Variants in RAB27B observed in about 807,000 individuals in gnomAD.
RAB27B encodes the protein ras-related protein Rab-27B.
A neutral mutation model predicts 24.6 loss-of-function variants in RAB27B; 15 were observed. The ratio of observed to expected loss-of-function variants is 0.61; its 90% CI spans 0.41 to 0.94. The LOEUF is 0.94. Ranked by LOEUF, RAB27B falls within the 40% of genes least tolerant of loss-of-function variation. RAB27B has a pLI of 0.00. For synonymous variants in RAB27B, 105 were observed against 92.5 expected (o/e 1.14, Z -0.78); for missense variants, 261 against 266.8 (o/e 0.98, Z 0.15).
intron 2 of RAB27B, among the ~76,000 whole-genome samples, chr18:54,737,531 A>G (rs1406987478): frequency 1.3e-5 from 2 of 152,156 alleles, no homozygotes; most frequent in Non-Finnish European, 2.9e-5. Context: ...ATCTCTTAGG[A>G]TATATTTATC....
At chr18:54,856,579 A>G (rs992199199) in intron 1 of RAB27B, among the ~76,000 whole-genome samples, 21 of 152,214 alleles carry the variant, frequency 1.4e-4, no homozygotes, top group African/African-American at 4.8e-4. Context: ...TGCAGTGACC[A>G]TGCAGTTTAT....
At chr18:54,782,869 T>C (rs1169135384) in intron 2 of RAB27B, among the ~76,000 whole-genome samples, 1 of 152,148 alleles carries the variant, frequency 6.6e-6, no homozygotes, top group Non-Finnish European at 1.5e-5. Flanking sequence ...ATCAGAACCC[T>C]GTACAAAAAC....
At chr18:54,721,421 T>C (rs1233824750) in intron 2 of RAB27B, among the ~76,000 whole-genome samples, 1 of 152,226 alleles carries the variant, frequency 6.6e-6, no homozygotes, top group Non-Finnish European at 1.5e-5. Flanking sequence ...ATTTCACAGA[T>C]GTTTAAATTG....
chr18:54,827,872 C>A (rs766830771), upstream of RAB27B, among the ~76,000 whole-genome samples: 4 of 152,154 alleles, frequency 2.6e-5, no homozygotes, highest in African/African-American at 9.7e-5. Flanking sequence ...GTTTAGAACA[C>A]GGCATAGCAC....
At chr18:54,737,613 T>C (rs1391760097) in intron 2 of RAB27B, among the ~76,000 whole-genome samples, 1 of 152,182 alleles carries the variant, frequency 6.6e-6, no homozygotes, top group Non-Finnish European at 1.5e-5. Flanking sequence ...AATCTTTGTA[T>C]TTCCAGCACT....
intron 2 of RAB27B, among the ~76,000 whole-genome samples, chr18:54,763,469 A>G (rs1908260292): frequency 6.6e-6 from 1 of 152,196 alleles, no homozygotes; most frequent in South Asian, 2.1e-4. Context: ...AAGCAAAGCT[A>G]TGATGGGTTG....
intron 2 of RAB27B, among the ~76,000 whole-genome samples, chr18:54,756,962 G>A (rs995745022): frequency 3.9e-5 from 6 of 152,078 alleles, no homozygotes; most frequent in African/African-American, 1.2e-4. Context: ...TATTCCACTT[G>A]GCAAACAAGT....
At chr18:54,781,216 G>C (rs1908906716) in intron 2 of RAB27B, among the ~76,000 whole-genome samples, 1 of 152,098 alleles carries the variant, frequency 6.6e-6, no homozygotes, top group South Asian at 2.1e-4. Context: ...TCACAATGCA[G>C]TCTTTGTCTC....
chr18:54,750,686 G>A (rs1757895773), intron 2 of RAB27B, among the ~76,000 whole-genome samples: 1 of 152,160 alleles, frequency 6.6e-6, no homozygotes, highest in African/African-American at 2.4e-5. Context: ...AGGATGCAGA[G>A]TACATTCACC....
chr18:54,854,034 T>A (rs1349050781), intron 1 of RAB27B, among the ~76,000 whole-genome samples: 1 of 152,190 alleles, frequency 6.6e-6, no homozygotes, highest in Non-Finnish European at 1.5e-5. Context: ...AACACATAAC[T>A]TTAGTTTTAG....
At chr18:54,889,145 G>C (rs1327814109) in intron 5 of RAB27B, 79 bp from the exon 6 acceptor site, 1 of 1,330,534 alleles carries the variant, frequency 7.5e-7, no homozygotes, top group Non-Finnish European at 1.0e-6. Flanking sequence ...GTTTTTGCAT[G>C]TGTGATTCAC....
chr18:54,862,667 G>A (rs576255658), intron 1 of RAB27B, among the ~76,000 whole-genome samples: 1 of 152,126 alleles, frequency 6.6e-6, no homozygotes, highest in African/African-American at 2.4e-5. Context: ...AGAGTCCCTC[G>A]AGTTGGTATT....
intron 2 of RAB27B, among the ~76,000 whole-genome samples, chr18:54,800,365 C>T (rs764212763): frequency 5.3e-5 from 8 of 152,142 alleles, no homozygotes; most frequent in South Asian, 2.1e-4. Flanking sequence ...CATGAAAGAA[C>T]GCATACATTT....
intron 1 of RAB27B, among the ~76,000 whole-genome samples, chr18:54,868,625 T>TTC (rs1912339841): frequency 1.6e-5 from 2 of 127,358 alleles, no homozygotes; most frequent in African/African-American, 5.7e-5. Context: ...TGTTGTTGTT[T>TTC]GTTTGTTTGT....
intron 2 of RAB27B, among the ~76,000 whole-genome samples, chr18:54,731,174 G>A (rs1909719210): frequency 6.6e-6 from 1 of 152,160 alleles, no homozygotes; most frequent in African/African-American, 2.4e-5. Context: ...AAAAATTTAG[G>A]ATTTCAAGGG....
intron 2 of RAB27B, among the ~76,000 whole-genome samples, chr18:54,764,573 C>T (rs118031825): frequency 0.02 from 3,079 of 152,210 alleles, 55 homozygotes; most frequent in South Asian, 0.054. Context: ...CCTATGCCAC[C>T]GTTAGGTGAC....
chr18:54,821,752 C>G (rs2145167876), intron 2 of RAB27B, among the ~76,000 whole-genome samples: 1 of 152,266 alleles, frequency 6.6e-6, no homozygotes. Context: ...AATTAGCTAG[C>G]TGTTATTTTT....
chr18:54,777,538 G>A (rs1908754507), intron 2 of RAB27B, among the ~76,000 whole-genome samples: 1 of 152,208 alleles, frequency 6.6e-6, no homozygotes, highest in African/African-American at 2.4e-5. Flanking sequence ...AGAGAGATGT[G>A]TGGAGCAGCA....
At chr18:54,770,415 C>T (rs1319861893) in intron 2 of RAB27B, among the ~76,000 whole-genome samples, 5 of 151,826 alleles carry the variant, frequency 3.3e-5, no homozygotes, top group Admixed American at 3.3e-4. Flanking sequence ...AGTGTGTACT[C>T]CTTATGATAA....
Sources: allele counts gnomAD v4.1 joint callset (sites outside exome capture counted in the v4.1 genomes callset), GRCh38; gene constraint gnomAD v4.1.1; transcripts MANE v1.5; gene names NCBI Gene and HGNC (gene_info 2026-07-23, HGNC 2026-07-21).